CAMSAP3: variants seen among roughly 807,000 people sequenced by gnomAD.
CAMSAP3 encodes the protein calmodulin-regulated spectrin-associated protein 3.
CAMSAP3 carries 34 observed loss-of-function variants against 112.5 expected under a neutral mutation model. That is an observed-to-expected ratio of 0.30 (90% CI 0.23 to 0.40). CAMSAP3 has a LOEUF of 0.40. Among genes scored for constraint, CAMSAP3 ranks in the 10% least tolerant of loss-of-function variants. The pLI, the probability that CAMSAP3 is intolerant of heterozygous loss-of-function variation, is 1.00. For missense variants in CAMSAP3, 1,602 were observed against 1,770.3 expected (o/e 0.90, Z 1.71); for synonymous variants, 868 against 799.8 (o/e 1.09, Z -1.44).
Position 7,617,249 on chromosome 19 carries a change from T to C in CAMSAP3, c.3213-77T>C, listed in dbSNP as rs2030855202. 9.8e-7 allele frequency: 1 copy of C among 1,021,896 alleles called. No individual in the cohort carries two copies. The highest frequency in any genetic ancestry group is 1.6e-6 in the Non-Finnish European group (1 of 644,200). The allele number at this position is 1,021,896 out of a possible 1,614,324, so 63.3% of individuals were successfully genotyped here. On this transcript the variant is annotated intron_variant, in intron 14 of 16. Transcript: ENST00000160298. This position sits in a 1 kb window ranked among gnomAD's most constrained non-coding sequence, Gnocchi z 7.5. ...TTATTTTCCTTGGCCCCTCTGCACA[T>C]AGGGAAGCTTCCCATCTCTGACCCC...
rs1173068955 is a variant in CAMSAP3, at chr19:7,614,259, C to CAAAAA, written c.2671-904_2671-900dup. 4.3e-4 allele frequency among the ~76,000 whole-genome samples: 8 copies of CAAAAA among 18,766 alleles called. 1 individual carries two copies. The highest frequency in any genetic ancestry group is 6.8e-4 in the Admixed American group (1 of 1,468). The allele number at this position is 18,766 out of a possible 152,430, so 12.3% of individuals were successfully genotyped here. On this transcript the variant is annotated intron_variant, in intron 11 of 16. Transcript: ENST00000160298. ...TGGGCAACAGAGCGAGACTCCATCT[C>CAAAAA]AAAAAAAAAAAAAAAAAAAAAAAAG...
chr19:7,616,946 T>TTTG (rs1555763665), intron 14 of CAMSAP3, among the ~76,000 whole-genome samples: 1 of 130,948 alleles, frequency 7.6e-6, no homozygotes, highest in Non-Finnish European at 1.7e-5. Flanking sequence ...TTTTTTTTTT[T>TTTG]TTTTTTTTTT....
chr19:7,602,839 G>A (rs867503607), intron 1 of CAMSAP3, among the ~76,000 whole-genome samples: 6 of 148,382 alleles, frequency 4.0e-5, no homozygotes, highest in Middle Eastern at 3.5e-3. Context: ...GGCGAGATAC[G>A]GGCCCACAGA....
In CAMSAP3 at chr19:7,615,202, A is replaced by G; in HGVS notation, c.2690A>G (p.Asp897Gly). 1.3e-5 allele frequency: 20 copies of G among 1,554,326 alleles called. No individual in the cohort carries two copies. Among genetic ancestry groups the G allele is most frequent in the Non-Finnish European group, 1.7e-5 (19 of 1,149,172 alleles). The change falls in exon 12 of 17, where the codon GAC becomes GGC. Residue 897 changes from aspartate to glycine, a missense_variant. Coordinates refer to ENST00000160298, the MANE Select transcript of CAMSAP3 (RefSeq NM_020902.2). This position sits in a 1 kb window ranked among gnomAD's most constrained non-coding sequence, Gnocchi z 6.5. ...CCCCAGGATGAAGACAAGCCTGAGG[A>G]CGAGATGGCCCAAAAGCGGGCCAGC... ...FFYKDEDKPE[D>G]EMAQKRASLL...
chr19:7,613,545 G>C (rs1484158736), intron 11 of CAMSAP3, among the ~76,000 whole-genome samples: 1 of 151,566 alleles, frequency 6.6e-6, no homozygotes, highest in Non-Finnish European at 1.5e-5. Context: ...TGGGGGTGAG[G>C]GGTTTCCAGT....
chr19:7,603,445 C>T (rs187346462), intron 1 of CAMSAP3, among the ~76,000 whole-genome samples: 2 of 152,164 alleles, frequency 1.3e-5, no homozygotes, highest in Admixed American at 6.5e-5. Flanking sequence ...GAACTCCTGA[C>T]CTTAAAAGAT....
At position 7,611,074 on chromosome 19, in the gene CAMSAP3, G is replaced by A. The variant is rs866200260; in HGVS notation, c.1050-21G>A. ...AGGAGGAGGTGGGGGTCCTGAGGCT[G>A]AAGTACGTCTCTCCGTACAGTTCTC... On this transcript the variant is annotated intron_variant, in intron 8 of 16. Coordinates refer to ENST00000160298, the MANE Select transcript of CAMSAP3 (RefSeq NM_020902.2). The surrounding 1 kb of genome is among the most constrained non-coding windows in gnomAD (Gnocchi z 6.9). 6.2e-7 allele frequency: 1 copy of A among 1,613,382 alleles called. No individual in the cohort carries two copies. Among genetic ancestry groups the A allele is most frequent in the South Asian group, 1.1e-5 (1 of 91,076 alleles).
rs191418128 is a variant in CAMSAP3, at chr19:7,614,669, T to C, written c.2671-514T>C. On this transcript the variant is annotated intron_variant, in intron 11 of 16. Coordinates refer to ENST00000160298, the MANE Select transcript of CAMSAP3 (RefSeq NM_020902.2). ...CACTTCTGACTTAGTCCTGCGCCAC[T>C]GTCCTCAGCTCTGTGTCCCAGCCAC... 1.7e-3 allele frequency: 294 copies of C among 169,414 alleles called. 1 individual carries two copies. The highest frequency in any genetic ancestry group is 6.5e-3 in the African/African-American group (273 of 41,886). The allele number at this position is 169,414 out of a possible 1,614,324, so 10.5% of individuals were successfully genotyped here.
rs530591443 is a variant in CAMSAP3, at chr19:7,607,315, G to A, written c.621+744G>A. ...CCAGCTTCCCTAGAGAAAAATCCCA[G>A]CTTTGAAAAGGAGGAGGAGGCCCAT... On this transcript the variant is annotated intron_variant, in intron 4 of 16. Transcript: ENST00000160298. The surrounding 1 kb of genome is among the most constrained non-coding windows in gnomAD (Gnocchi z 4.9). Among the ~76,000 whole-genome samples, 4 of 152,268 alleles carry A rather than the reference G, an allele frequency of 2.6e-5. No individual in the cohort carries two copies. Among genetic ancestry groups the A allele is most frequent in the South Asian group, 4.1e-4 (2 of 4,820 alleles).
In CAMSAP3 at chr19:7,596,022, C is replaced by G. The variant is rs1169132797; in HGVS notation, c.20C>G (p.Pro7Arg). Residue 7 changes from proline to arginine, a missense_variant, in exon 1 of 17, where the codon CCC becomes CGC. Coordinates refer to ENST00000160298, the MANE Select transcript of CAMSAP3 (RefSeq NM_020902.2). The stretch of plus-strand genomic sequence containing the variant: ...GCCGCCATGGTGGAGGCGGCGCCCC[C>G]CGGGCCCGGGCCGCTGCGGAGGACC... MVEAAP[P>R]GPGPLRRTFL... is the part of the protein sequence containing the mutation. 8.4e-7 allele frequency: 1 copy of G among 1,183,998 alleles called. No individual in the cohort carries two copies. The highest frequency in any genetic ancestry group is 1.1e-6 in the Non-Finnish European group (1 of 935,928). The allele number at this position is 1,183,998 out of a possible 1,614,324, so 73.3% of individuals were successfully genotyped here.
At chr19:7,616,353 G>C in intron 13 of CAMSAP3, 170 bp from the exon 14 acceptor site, 1 of 581,924 alleles carries the variant, frequency 1.7e-6, no homozygotes, top group Non-Finnish European at 3.1e-6. Context: ...CTTGCCTGCT[G>C]GGCAAAGCAT....
At chr19:7,616,386 C>A in intron 13 of CAMSAP3, 137 bp from the exon 14 acceptor site, 1 of 661,616 alleles carries the variant, frequency 1.5e-6, no homozygotes, top group South Asian at 1.6e-5. Context: ...AGGGGTCCCC[C>A]CATAGGGGTG....
At chr19:7,602,365 C>A (rs1323969767) in intron 1 of CAMSAP3, among the ~76,000 whole-genome samples, 3 of 152,092 alleles carry the variant, frequency 2.0e-5, no homozygotes, top group East Asian at 3.9e-4. Flanking sequence ...GTCAGTGTAG[C>A]CCTAGCTTAA....
In CAMSAP3 at chr19:7,595,994, G is replaced by A. The variant is rs751107413; in HGVS notation, c.-9G>A. On this transcript the variant is annotated 5_prime_UTR_variant, in exon 1 of 17. Coordinates refer to ENST00000160298, the MANE Select transcript of CAMSAP3 (RefSeq NM_020902.2). Reference sequence around the variant, plus strand: ...GCGCGGACCCGGCGCCCGCAGCCCCGGCGCCGCCATGGTGGAGGCGGCGCC... The same window carrying A: ...GCGCGGACCCGGCGCCCGCAGCCCCAGCGCCGCCATGGTGGAGGCGGCGCC... The A allele has an allele frequency of 1.1e-4, 114 of 1,084,106 alleles. 1 individual carries two copies. Among genetic ancestry groups the A allele is most frequent in the Admixed American group, 5.8e-5 (1 of 17,262 alleles). 67.2% of individuals were successfully genotyped at this position (1,084,106 alleles called of 1,614,324 possible). A position where few individuals can be genotyped will look rare whatever the true frequency, so the allele number is the denominator to read the frequency against.
rs767151889 is a variant in CAMSAP3, at chr19:7,613,010, C to G, written c.2517C>G (p.Ala839=). Residue 839 remains alanine (A), a synonymous_variant, in exon 11 of 17, where the codon GCC becomes GCG. Transcript: ENST00000160298. ...AEETPPEEPA[A]RPGLIEIPLG... ...AGACGCCCCCCGAGGAGCCAGCCGC[C>G]CGGCCGGGCCTCATCGAGATCCCGC... 6.4e-7 allele frequency: 1 copy of G among 1,564,264 alleles called. No homozygotes were observed. The highest frequency in any genetic ancestry group is 1.2e-5 in the South Asian group (1 of 85,614).
rs767909084 is a variant in CAMSAP3, at chr19:7,617,285, C to G, written c.3213-41C>G. The G allele has an allele frequency of 9.8e-6, 14 of 1,427,730 alleles. No individual in the cohort carries two copies. In the African/African-American group the frequency reaches 1.8e-4, roughly 19 times the overall value. 88.4% of individuals were successfully genotyped at this position (1,427,730 alleles called of 1,614,324 possible). A position where few individuals can be genotyped will look rare whatever the true frequency, so the allele number is the denominator to read the frequency against. ...CCCATCTCTGACCCCACCTCCATCC[C>G]ATCCTGACCCCACCTCCATCCCATC... On this transcript the variant is annotated intron_variant, in intron 14 of 16. Coordinates refer to ENST00000160298, the MANE Select transcript of CAMSAP3 (RefSeq NM_020902.2). This position sits in a 1 kb window ranked among gnomAD's most constrained non-coding sequence, Gnocchi z 7.5.
chr19:7,615,737 A>G lies in CAMSAP3; in HGVS notation c.3112+18A>G. The G allele has an allele frequency of 7.4e-7, 1 of 1,356,326 alleles. No individual in the cohort carries two copies. Among genetic ancestry groups the G allele is most frequent in the Non-Finnish European group, 9.4e-7 (1 of 1,058,572 alleles). 84.0% of individuals were successfully genotyped at this position (1,356,326 alleles called of 1,614,324 possible). A position where few individuals can be genotyped will look rare whatever the true frequency, so the allele number is the denominator to read the frequency against. ...CCTGCTGGGTGAGGACCCTTGGGGG[A>G]CGGGGCCTGCCCAGTGCCCTTTCCG... On this transcript the variant is annotated intron_variant, in intron 13 of 16. Coordinates refer to ENST00000160298, the MANE Select transcript of CAMSAP3 (RefSeq NM_020902.2). The surrounding 1 kb of genome is among the most constrained non-coding windows in gnomAD (Gnocchi z 6.5).
In CAMSAP3 at chr19:7,610,317, C is replaced by CAA. The variant is rs749017357; in HGVS notation, c.761-144_761-143dup. Reference sequence around the variant, plus strand: ...TGGGTGACAGAGCGAGACTCCATCTCAAAAAAAAAAAAAAAAGAATTCACC... The same window carrying CAA: ...TGGGTGACAGAGCGAGACTCCATCTCAAAAAAAAAAAAAAAAAAGAATTCACC... On this transcript the variant is annotated intron_variant, in intron 5 of 16. Transcript: ENST00000160298. The surrounding 1 kb of genome is among the most constrained non-coding windows in gnomAD (Gnocchi z 4.9). Among the ~76,000 whole-genome samples the CAA allele has an allele frequency of 1.6e-3, 184 of 111,722 alleles. 1 individual carries two copies. Among genetic ancestry groups the CAA allele is most frequent in the African/African-American group, 5.2e-3 (160 of 31,020 alleles). The allele number at this position is 111,722 out of a possible 152,430, so 73.3% of individuals were successfully genotyped here.
At position 7,612,587 on chromosome 19, in the gene CAMSAP3, A is replaced by T; in HGVS notation, c.2094A>T (p.Glu698Asp). 6.5e-7 allele frequency: 1 copy of T among 1,533,574 alleles called. No homozygotes were observed. The highest frequency in any genetic ancestry group is 8.7e-7 in the Non-Finnish European group (1 of 1,144,642). The allele number at this position is 1,533,574 out of a possible 1,614,324, so 95.0% of individuals were successfully genotyped here. ...LGPVPHEGLG[E>D]YNRAVSKLSA... ...CGGTGCCCCACGAGGGGCTGGGGGA[A>T]TACAATCGAGCGGTCAGCAAGCTGA... Residue 698 changes from glutamate to aspartate, a missense_variant, in exon 11 of 17, where the codon GAA (glutamate) becomes GAT (aspartate). This residue lies in a region of CAMSAP3 where 1,100 missense variants were observed against 1,135.7 expected (regional missense o/e 0.97). Coordinates refer to ENST00000160298, the MANE Select transcript of CAMSAP3 (RefSeq NM_020902.2).
Sources: gnomAD v4.1 joint callset for allele counts (sites outside exome capture counted in the v4.1 genomes callset) on GRCh38, gnomAD v4.1.1 for gene constraint, gnomAD v4.1.1 regional missense constraint, Gnocchi (gnomAD v3.1) non-coding constraint, MANE v1.5 for transcripts, NCBI Gene and HGNC (gene_info 2026-07-23, HGNC 2026-07-21) for gene names.